NCAM2: variants seen among roughly 807,000 people sequenced by gnomAD.
NCAM2 encodes the protein N-CAM-2.
Under a neutral mutation model 98.1 loss-of-function variants are expected in NCAM2, and 30 were observed. That is an observed-to-expected ratio of 0.31 (90% CI 0.23 to 0.41). NCAM2 has a LOEUF of 0.41. NCAM2 is among the 10% of genes least tolerant of loss of function. NCAM2 has a pLI of 1.00. For missense variants in NCAM2, 867 were observed against 1,005.8 expected (o/e 0.86, Z 1.87); for synonymous variants, 368 against 342.4 (o/e 1.07, Z -0.83).
intron 1 of NCAM2, among the ~76,000 whole-genome samples, chr21:21,091,724 A>C (rs2066015872): frequency 6.6e-6 from 1 of 152,150 alleles, no homozygotes; most frequent in Non-Finnish European, 1.5e-5. Flanking sequence ...CAATACTTTC[A>C]AGTATACTAA....
intron 1 of NCAM2, among the ~76,000 whole-genome samples, chr21:21,191,549 CTG>C (rs774576387): frequency 6.6e-6 from 1 of 152,092 alleles, no homozygotes; most frequent in Non-Finnish European, 1.5e-5. Flanking sequence ...ACATACAAAA[CTG>C]TGTGATATTT....
intron 8 of NCAM2, among the ~76,000 whole-genome samples, chr21:21,339,509 TA>T (rs1309864941): frequency 1.3e-5 from 2 of 152,024 alleles, no homozygotes; most frequent in Non-Finnish European, 1.5e-5. Context: ...CAATTTCACA[TA>T]AGTGAAGATT....
intron 9 of NCAM2, among the ~76,000 whole-genome samples, chr21:21,408,290 C>CTAA (rs1329827784): frequency 2.0e-5 from 3 of 152,130 alleles, no homozygotes; most frequent in Non-Finnish European, 4.4e-5. Flanking sequence ...ATATGCCGAG[C>CTAA]TAATGGAAAG....
intron 5 of NCAM2, among the ~76,000 whole-genome samples, chr21:21,293,629 A>G (rs1335463977): frequency 6.8e-6 from 1 of 147,002 alleles, no homozygotes; most frequent in Non-Finnish European, 1.5e-5. Context: ...ATTTCAGTGC[A>G]TAAAGGATAG....
intron 12 of NCAM2, among the ~76,000 whole-genome samples, chr21:21,454,665 AC>A (rs1981856277): frequency 6.6e-6 from 1 of 151,976 alleles, no homozygotes; most frequent in Non-Finnish European, 1.5e-5. Context: ...TTAATGCTAA[AC>A]TTTGTGATCC....
chr21:21,344,255 G>A (rs2075127551), intron 8 of NCAM2, among the ~76,000 whole-genome samples: 1 of 152,126 alleles, frequency 6.6e-6, no homozygotes, highest in Non-Finnish European at 1.5e-5. Flanking sequence ...CAGGTACTAC[G>A]TCAAGGGCTT....
chr21:21,332,103 C>T (rs531139386), intron 6 of NCAM2, among the ~76,000 whole-genome samples: 1 of 151,494 alleles, frequency 6.6e-6, no homozygotes, highest in Non-Finnish European at 1.5e-5. Flanking sequence ...CCGGGTTTCA[C>T]CATATTGGCC....
chr21:21,301,202 G>T (rs2073699375), intron 5 of NCAM2, among the ~76,000 whole-genome samples: 1 of 151,920 alleles, frequency 6.6e-6, no homozygotes, highest in Admixed American at 6.6e-5. Flanking sequence ...TTATTCTATT[G>T]ATTGCTTCTT....
chr21:21,150,648 A>C (rs145701600), intron 1 of NCAM2, among the ~76,000 whole-genome samples: 2 of 151,692 alleles, frequency 1.3e-5, no homozygotes. Context: ...TTTGATTTCC[A>C]TTCTTGGGAT....
rs552580966 is a variant in NCAM2 at position 21,036,905 on chromosome 21, C to A, written c.55+38287C>A. ...AGAGGGCCCAAGAGATAAATCCTGGCTGTTTATTTCACTAATATAGGTTTT... is the reference window on the plus strand; with the variant it reads ...AGAGGGCCCAAGAGATAAATCCTGGATGTTTATTTCACTAATATAGGTTTT... On this transcript the variant is annotated intron_variant, in intron 1 of 17. Coordinates refer to ENST00000400546, the MANE Select transcript of NCAM2 (RefSeq NM_004540.5). Among the ~76,000 whole-genome samples the A allele has an allele frequency of 5.3e-5, 8 of 152,332 alleles. No individual in the cohort carries two copies. In the South Asian group the frequency reaches 1.2e-3, roughly 24 times the overall value.
intron 1 of NCAM2, among the ~76,000 whole-genome samples, chr21:21,121,645 A>AAGAT (rs2066676599): frequency 6.6e-6 from 1 of 152,226 alleles, no homozygotes; most frequent in Non-Finnish European, 1.5e-5. Context: ...TCCTTATTTA[A>AAGAT]AGATAGAAGG....
At chr21:21,437,910 T>C (rs1025170393) in intron 12 of NCAM2, among the ~76,000 whole-genome samples, 4 of 126,490 alleles carry the variant, frequency 3.2e-5, no homozygotes, top group African/African-American at 9.1e-5. Flanking sequence ...TTAAAGCACA[T>C]ATTATATATA....
intron 8 of NCAM2, among the ~76,000 whole-genome samples, chr21:21,355,281 A>G (rs978593994): frequency 6.6e-6 from 1 of 151,684 alleles, no homozygotes; most frequent in Non-Finnish European, 1.5e-5. Flanking sequence ...AAAAAATACA[A>G]AAAATTAGCC....
intron 5 of NCAM2, among the ~76,000 whole-genome samples, chr21:21,314,903 T>C (rs1475120998): frequency 1.3e-5 from 2 of 152,220 alleles, no homozygotes; most frequent in Non-Finnish European, 2.9e-5. Flanking sequence ...ACAGTTGCTT[T>C]AAAATAGCTT....
rs367865790 is a variant in NCAM2, at chr21:21,132,648, TTAAAG to T, written c.55+134037_55+134041del. Among the ~76,000 whole-genome samples the T allele has an allele frequency of 8.6e-4, 131 of 152,296 alleles. 1 individual carries two copies. The highest frequency in any genetic ancestry group is 2.7e-3 in the African/African-American group (114 of 41,572). On this transcript the variant is annotated intron_variant, in intron 1 of 17. Coordinates refer to ENST00000400546, the MANE Select transcript of NCAM2 (RefSeq NM_004540.5). ...AATTCCATAAGCCTTACTAAAGACTTTAAAGTAAAGTTCCTCATGCTCCAAAATAA... is the reference window on the plus strand; with the variant it reads ...AATTCCATAAGCCTTACTAAAGACTTTAAAGTTCCTCATGCTCCAAAATAA...
intron 9 of NCAM2, among the ~76,000 whole-genome samples, chr21:21,405,299 G>C (rs543123372): frequency 1.3e-5 from 2 of 152,066 alleles, no homozygotes; most frequent in South Asian, 4.1e-4. Context: ...TGCCAAACAC[G>C]TTAGTATTAA....
intron 16 of NCAM2, among the ~76,000 whole-genome samples, chr21:21,518,625 ACAT>A (rs1320502956): frequency 6.6e-6 from 1 of 151,324 alleles, no homozygotes; most frequent in African/African-American, 2.4e-5. Flanking sequence ...ATATATAATA[ACAT>A]CATTACATAT....
chr21:21,349,046 C>A (rs1012733375), intron 8 of NCAM2, among the ~76,000 whole-genome samples: 10 of 152,006 alleles, frequency 6.6e-5, no homozygotes, highest in African/African-American at 1.2e-4. Flanking sequence ...TTGAGCAATA[C>A]CCCACAAGCA....
chr21:21,534,527 A>G lies in NCAM2; in HGVS notation c.2283-10A>G. The G allele has an allele frequency of 1.3e-6, 2 of 1,572,898 alleles. No individual in the cohort carries two copies. The highest frequency in any genetic ancestry group is 2.3e-5 in the East Asian group (1 of 43,678). ...TTACACAGGTGAGATGTTTCTCTTT[A>G]TGTTTCTAGGAAAGATGGATCAAAA... On this transcript the variant is annotated splice_polypyrimidine_tract_variant and intron_variant, in intron 16 of 17. Coordinates refer to ENST00000400546, the MANE Select transcript of NCAM2 (RefSeq NM_004540.5).
Sources: allele counts gnomAD v4.1 joint callset (sites outside exome capture counted in the v4.1 genomes callset), GRCh38; gene constraint gnomAD v4.1.1; transcripts MANE v1.5; gene names NCBI Gene and HGNC (gene_info 2026-07-23, HGNC 2026-07-21).